The following UNC5D variants were observed in gnomAD, a reference collection of about 807,000 sequenced individuals.
UNC5D encodes the protein netrin receptor UNC5D.
A neutral mutation model predicts 105.4 loss-of-function variants in UNC5D; 39 were observed. That is an observed-to-expected ratio of 0.37 (90% confidence interval 0.29 to 0.48). The LOEUF (loss-of-function observed/expected upper bound fraction) is 0.48. Among genes scored for constraint, UNC5D ranks in the 20% least tolerant of loss-of-function variants. The pLI is 0.98. For missense variants in UNC5D, 991 were observed against 1,202.4 expected (o/e 0.82, Z 2.60); for synonymous variants, 452 against 450.4 (o/e 1.00, Z -0.04).
chr8:35,313,186 G>A (rs1185579422), intron 1 of UNC5D, among the ~76,000 whole-genome samples: 1 of 152,174 alleles, frequency 6.6e-6, no homozygotes, highest in Non-Finnish European at 1.5e-5. Flanking sequence ...AATACAAGGA[G>A]TGCAAGCTTA....
intron 1 of UNC5D, among the ~76,000 whole-genome samples, chr8:35,527,066 G>A (rs1038516341): frequency 2.2e-4 from 34 of 151,812 alleles, no homozygotes; most frequent in African/African-American, 7.3e-4. Flanking sequence ...GACACGTATC[G>A]CTTGTACTCT....
chr8:35,728,212 G>C (rs1157549426), intron 10 of UNC5D, among the ~76,000 whole-genome samples: 2 of 151,226 alleles, frequency 1.3e-5, no homozygotes, highest in African/African-American at 4.9e-5. Flanking sequence ...AAGGCTCTCA[G>C]TTATTAGTTG....
intron 16 of UNC5D, among the ~76,000 whole-genome samples, chr8:35,788,933 C>G (rs1268019349): frequency 6.6e-6 from 1 of 151,368 alleles, no homozygotes; most frequent in African/African-American, 2.4e-5. Context: ...CTTCCTCTTT[C>G]TTGCCCCTTG....
At chr8:35,335,200 T>C (rs1336087656) in intron 1 of UNC5D, among the ~76,000 whole-genome samples, 1 of 152,244 alleles carries the variant, frequency 6.6e-6, no homozygotes, top group East Asian at 1.9e-4. Flanking sequence ...GGCGCTGGGA[T>C]TGTTTCCACC....
At chr8:35,483,441 A>G (rs2130005304) in intron 1 of UNC5D, among the ~76,000 whole-genome samples, 1 of 152,308 alleles carries the variant, frequency 6.6e-6, no homozygotes, top group African/African-American at 2.4e-5. Context: ...GAGAGAGATC[A>G]GTCATGTTCT....
At chr8:35,495,285 G>C (rs1026606698) in intron 1 of UNC5D, among the ~76,000 whole-genome samples, 2 of 151,928 alleles carry the variant, frequency 1.3e-5, no homozygotes, top group Non-Finnish European at 2.9e-5. Context: ...ATTTTGGAGT[G>C]TAAGCATTTG....
chr8:35,483,224 C>T (rs1810609529), intron 1 of UNC5D, among the ~76,000 whole-genome samples: 1 of 152,028 alleles, frequency 6.6e-6, no homozygotes, highest in Non-Finnish European at 1.5e-5. Context: ...GGTTACAGCA[C>T]AGGGTGATAC....
rs560910363 is a variant in UNC5D, at chr8:35,548,726, T to C, written c.104-566T>C. Among the ~76,000 whole-genome samples, 3 of 152,310 alleles carry C rather than the reference T, an allele frequency of 2.0e-5. No individual in the cohort carries two copies. The East Asian group carries it at 5.8e-4, about 29-fold the overall frequency. ...CAAGCAAAATGGAATCATGTTCCCT[T>C]TGAAGGGGCAGTGAGCTGGTGAGTT... On this transcript the variant is annotated intron_variant, in intron 1 of 16. Transcript: ENST00000404895.
intron 1 of UNC5D, among the ~76,000 whole-genome samples, chr8:35,433,343 T>C (rs1806781823): frequency 6.6e-6 from 1 of 152,180 alleles, no homozygotes; most frequent in Admixed American, 6.6e-5. Context: ...GGATGTAATA[T>C]TGAGTCTCAA....
At chr8:35,281,222 T>A (rs1044236197) in intron 1 of UNC5D, among the ~76,000 whole-genome samples, 2 of 152,090 alleles carry the variant, frequency 1.3e-5, no homozygotes, top group Non-Finnish European at 2.9e-5. Flanking sequence ...CACCTCTTTT[T>A]ACTGACAATG....
rs1348550951 is a variant in UNC5D at position 35,544,547 on chromosome 8, A to G, written c.104-4745A>G. On this transcript the variant is annotated intron_variant, in intron 1 of 16. Transcript: ENST00000404895. ...CCAAACTTCACCAGGTAAGGCAGGA[A>G]CAAACAGGAAAAAGGACAGTACCAA... is the stretch of plus-strand genomic sequence containing the variant. 6.8e-6 allele frequency: 11 copies of G among 1,613,100 alleles called. No homozygotes were observed. The African/African-American group carries it at 1.5e-4, about 22-fold the overall frequency.
intron 1 of UNC5D, among the ~76,000 whole-genome samples, chr8:35,340,187 G>T (rs1054333398): frequency 1.3e-5 from 2 of 152,196 alleles, no homozygotes; most frequent in Admixed American, 6.5e-5. Context: ...ATGAACCCTT[G>T]CCTGCCTCCA....
At chr8:35,746,227 CTTGA>C (rs1404846549) in intron 11 of UNC5D, among the ~76,000 whole-genome samples, 1 of 152,170 alleles carries the variant, frequency 6.6e-6, no homozygotes, top group African/African-American at 2.4e-5. Context: ...CTGCCATCAC[CTTGA>C]TTGACTCCTC....
At chr8:35,544,934 C>T (rs1398509075) in intron 1 of UNC5D, among the ~76,000 whole-genome samples, 1 of 152,084 alleles carries the variant, frequency 6.6e-6, no homozygotes, top group Non-Finnish European at 1.5e-5. Context: ...CAGATACAAG[C>T]TTTCACAGAA....
chr8:35,530,234 T>A (rs1188350537), intron 1 of UNC5D, among the ~76,000 whole-genome samples: 1 of 147,294 alleles, frequency 6.8e-6, no homozygotes, highest in Non-Finnish European at 1.5e-5. Flanking sequence ...ATACCTAATT[T>A]ATTGAGAGTT....
intron 1 of UNC5D, among the ~76,000 whole-genome samples, chr8:35,267,576 T>C (rs1351653286): frequency 6.6e-6 from 1 of 152,084 alleles, no homozygotes; most frequent in Non-Finnish European, 1.5e-5. Flanking sequence ...GTAGCTGGGA[T>C]TACAGGCACC....
intron 1 of UNC5D, among the ~76,000 whole-genome samples, chr8:35,359,034 C>G (rs555323049): frequency 6.6e-6 from 1 of 152,072 alleles, no homozygotes; most frequent in Non-Finnish European, 1.5e-5. Flanking sequence ...ACCTGTCGTC[C>G]CATGTACTCA....
chr8:35,441,339 CTA>C (rs1807384100), intron 1 of UNC5D, among the ~76,000 whole-genome samples: 1 of 151,816 alleles, frequency 6.6e-6, no homozygotes, highest in Non-Finnish European at 1.5e-5. Flanking sequence ...TACAATTATT[CTA>C]TTTTATTAGT....
At chr8:35,597,020 G>A (rs555440798) in intron 4 of UNC5D, among the ~76,000 whole-genome samples, 82 of 152,246 alleles carry the variant, frequency 5.4e-4, no homozygotes, top group African/African-American at 2.0e-3. Flanking sequence ...GTTTATTCAT[G>A]GAGAAGCAGA....
Sources: allele counts gnomAD v4.1 joint callset (sites outside exome capture counted in the v4.1 genomes callset), GRCh38; gene constraint gnomAD v4.1.1; transcripts MANE v1.5; gene names NCBI Gene and HGNC (gene_info 2026-07-23, HGNC 2026-07-21).